ZNF354B: variants seen among roughly 807,000 people sequenced by gnomAD.
ZNF354B encodes zinc finger protein 354B.
ZNF354B carries 10 observed loss-of-function variants against 12.9 expected under a neutral mutation model. The ratio of observed to expected loss-of-function variants is 0.77; its 90% CI spans 0.48 to 1.31. The LOEUF is 1.31. Ranked by LOEUF, ZNF354B falls within the 40% of genes most tolerant of loss-of-function variation. The probability of loss-of-function intolerance (pLI) is 0.00; values close to 1 mark genes in which losing one functional copy is unlikely to be tolerated. For missense variants in ZNF354B, 614 were observed against 711.7 expected, an observed-to-expected ratio of 0.86 and a Z score of 1.56; for synonymous variants, 260 against 243.7, an observed-to-expected ratio of 1.07 and a Z score of -0.62.
chr5:178,877,517 G>T (rs965631029), intron 4 of ZNF354B, among the ~76,000 whole-genome samples: 6 of 152,186 alleles, frequency 3.9e-5, no homozygotes, highest in African/African-American at 1.4e-4. Flanking sequence ...GAGGGGAACA[G>T]AAGGGGAAAA....
intron 4 of ZNF354B, among the ~76,000 whole-genome samples, chr5:178,881,070 C>T (rs1561671179): frequency 6.6e-6 from 1 of 152,002 alleles, no homozygotes; most frequent in Non-Finnish European, 1.5e-5. Context: ...TCTCAAACTC[C>T]TGACCTCAGG....
chr5:178,873,871 G>A (rs1442830797), intron 4 of ZNF354B, among the ~76,000 whole-genome samples: 1 of 151,520 alleles, frequency 6.6e-6, no homozygotes, highest in East Asian at 1.9e-4. Flanking sequence ...AACATGATAT[G>A]TCGTTCTATT....
At chr5:178,873,545 C>T (rs930923837) in intron 4 of ZNF354B, among the ~76,000 whole-genome samples, 4 of 152,110 alleles carry the variant, frequency 2.6e-5, no homozygotes, top group South Asian at 2.1e-4. Flanking sequence ...CTTTCCTCTG[C>T]GGAGTTCTTT....
In ZNF354B at chr5:178,883,045, A is replaced by G. The variant is rs1757743413; in HGVS notation, c.593A>G (p.Asn198Ser). 2 of 1,605,930 alleles carry G rather than the reference A, an allele frequency of 1.2e-6. No individual in the cohort carries two copies. Among genetic ancestry groups the G allele is most frequent in the Admixed American group, 1.7e-5 (1 of 57,896 alleles). ...ATACAAAGAAATAGTTTCAAGCAGA[A>G]TTCAAATTTACTTAACCAATCAAAA... ...CEIQRNSFKQNSNLLNQSKIK... is the reference protein window; with the variant it reads ...CEIQRNSFKQSSNLLNQSKIK... Residue 198 changes from asparagine (N) to serine (S), a missense_variant, in exon 5 of 5, where the codon AAT (asparagine) becomes AGT (serine). Transcript: ENST00000322434.
chr5:178,862,334 C>T (rs1321523053), intron 2 of ZNF354B, among the ~76,000 whole-genome samples: 1 of 151,168 alleles, frequency 6.6e-6, no homozygotes, highest in East Asian at 1.9e-4. Context: ...CCACGCGATA[C>T]CAGAGTGCTT....
At chr5:178,879,587 C>T (rs6862829) in intron 4 of ZNF354B, among the ~76,000 whole-genome samples, 22,473 of 151,480 alleles carry the variant, frequency 0.15, 2,024 homozygotes, top group African/African-American at 0.25. Flanking sequence ...CCATGTTGAT[C>T]AGGATGGTCT....
At chr5:178,878,921 G>A (rs1218217678) in intron 4 of ZNF354B, among the ~76,000 whole-genome samples, 1 of 151,608 alleles carries the variant, frequency 6.6e-6, no homozygotes, top group Non-Finnish European at 1.5e-5. Flanking sequence ...GGCTGGTCTC[G>A]AACTCCTGAC....
At chr5:178,879,290 C>T (rs1757683644) in intron 4 of ZNF354B, among the ~76,000 whole-genome samples, 1 of 151,490 alleles carries the variant, frequency 6.6e-6, no homozygotes, top group East Asian at 2.0e-4. Context: ...TAAGAGATCT[C>T]CCTGCCTCGG....
chr5:178,882,706 CAGGATGTAAGAG>C lies in ZNF354B; in HGVS notation c.257-2_266del. 1 of 1,538,364 alleles carries C rather than the reference CAGGATGTAAGAG, an allele frequency of 6.5e-7. No individual in the cohort carries two copies. Among genetic ancestry groups the C allele is most frequent in the Non-Finnish European group, 8.7e-7 (1 of 1,152,660 alleles). On this transcript the variant is annotated splice_acceptor_variant and coding_sequence_variant, in exon 5 of 5. Coordinates refer to ENST00000322434, the MANE Select transcript of ZNF354B (RefSeq NM_058230.3). LOFTEE classifies it high-confidence loss of function. ...CTGTTGCTTTCTTTTTTTCTTTTTT[CAGGATGTAAGAG>C]CACACCTAAAATGACAAAGTCAACT...
At chr5:178,863,358 A>G (rs1042893709) in intron 2 of ZNF354B, among the ~76,000 whole-genome samples, 1 of 151,842 alleles carries the variant, frequency 6.6e-6, no homozygotes, top group South Asian at 2.1e-4. Flanking sequence ...TTGGTCAATA[A>G]AAGACCATAA....
chr5:178,865,265 A>G (rs1421410957), intron 2 of ZNF354B, among the ~76,000 whole-genome samples: 2 of 147,726 alleles, frequency 1.4e-5, no homozygotes, highest in Non-Finnish European at 3.0e-5. Context: ...GTGACTTTAG[A>G]CGAATTTTTT....
chr5:178,865,108 C>T (rs1048636949), intron 2 of ZNF354B, among the ~76,000 whole-genome samples: 5 of 151,946 alleles, frequency 3.3e-5, no homozygotes, highest in African/African-American at 7.3e-5. Context: ...AATGTGAGCC[C>T]GATATGGTTT....
chr5:178,861,170 GC>G lies in ZNF354B; in HGVS notation c.33+93del, dbSNP rs1260426616. The G allele has an allele frequency of 3.2e-6, 3 of 923,486 alleles. No individual in the cohort carries two copies. In the African/African-American group the frequency reaches 5.0e-5, roughly 16 times the overall value. 57.2% of individuals were successfully genotyped at this position (923,486 alleles called of 1,614,324 possible). A position where few individuals can be genotyped will look rare whatever the true frequency, so the allele number is the denominator to read the frequency against. ...CGGGACCATCTCCAGCCAGGATGGA[GC>G]CCAAGTCCTTTTCTCTTGGAGGAGC... On this transcript the variant is annotated intron_variant, in intron 2 of 4. Coordinates refer to ENST00000322434, the MANE Select transcript of ZNF354B (RefSeq NM_058230.3).
Position 178,884,544 on chromosome 5 carries a change from A to T in ZNF354B, c.*253A>T. On this transcript the variant is annotated 3_prime_UTR_variant, in exon 5 of 5. Coordinates refer to ENST00000322434, the MANE Select transcript of ZNF354B (RefSeq NM_058230.3). The stretch of plus-strand genomic sequence containing the variant: ...GTATGTTTATAAAATCTCTTTATAT[A>T]ATATATGCTATCTATGACATGCAAA... The T allele has an allele frequency of 2.9e-6, 1 of 340,486 alleles. No homozygotes were observed. The highest frequency in any genetic ancestry group is 8.6e-5 in the South Asian group (1 of 11,690). The allele number at this position is 340,486 out of a possible 1,614,324, so 21.1% of individuals were successfully genotyped here. A position where few individuals can be genotyped will look rare whatever the true frequency, so the allele number is the denominator to read the frequency against.
chr5:178,883,056 C>G lies in ZNF354B; in HGVS notation c.604C>G (p.Leu202Val). The change falls in exon 5 of 5, where the codon CTT becomes GTT. Residue 202 changes from leucine to valine, a missense_variant. Leu to Val is a conservative substitution (Grantham distance 32). Coordinates refer to ENST00000322434, the MANE Select transcript of ZNF354B (RefSeq NM_058230.3). ...TAGTTTCAAGCAGAATTCAAATTTA[C>G]TTAACCAATCAAAAATCAAAACAGC... The part of the protein sequence containing the change: ...RNSFKQNSNL[L>V]NQSKIKTAEK... The G allele has an allele frequency of 6.2e-7, 1 of 1,604,434 alleles. No homozygotes were observed. The highest frequency in any genetic ancestry group is 1.3e-5 in the African/African-American group (1 of 74,316).
At chr5:178,867,121 G>A in intron 4 of ZNF354B, 50 bp downstream of exon 4, 1 of 1,511,274 alleles carries the variant, frequency 6.6e-7, no homozygotes, top group Admixed American at 1.7e-5. Flanking sequence ...CAATGGTCTG[G>A]TTAATGAGAG....
In ZNF354B at chr5:178,867,753, CAGAG is replaced by C. The variant is rs780186144; in HGVS notation, c.256+686_256+689del. ...CATGTATGTGTAATGTGCACATAAG[CAGAG>C]AGAAAGGTTAGGAGGACACACCTTA... On this transcript the variant is annotated intron_variant, in intron 4 of 4. Transcript: ENST00000322434. Among the ~76,000 whole-genome samples the C allele has an allele frequency of 2.4e-4, 37 of 152,042 alleles. 1 individual carries two copies. Among genetic ancestry groups the C allele is most frequent in the Admixed American group, 1.6e-3 (24 of 15,270 alleles).
In ZNF354B at chr5:178,883,935, A is replaced by G. The variant is rs1185355438; in HGVS notation, c.1483A>G (p.Lys495Glu). Residue 495 changes from lysine (K) to glutamate (E), a missense_variant, in exon 5 of 5, where the codon AAG becomes GAG. Physicochemically the swap from Lys to Glu is moderately conservative, Grantham distance 56. Coordinates refer to ENST00000322434, the MANE Select transcript of ZNF354B (RefSeq NM_058230.3). ...QRMHTGERPY[K>E]CNECDKTFRC... ...AATGCATACTGGAGAAAGACCCTATAAGTGTAACGAATGTGACAAAACATT... is the reference window on the plus strand; with the variant it reads ...AATGCATACTGGAGAAAGACCCTATGAGTGTAACGAATGTGACAAAACATT... The G allele has an allele frequency of 3.7e-6, 6 of 1,614,112 alleles. No individual in the cohort carries two copies. The highest frequency in any genetic ancestry group is 4.2e-6 in the Non-Finnish European group (5 of 1,179,982).
intron 4 of ZNF354B, among the ~76,000 whole-genome samples, chr5:178,868,623 G>A (rs898819728): frequency 6.6e-6 from 1 of 152,158 alleles, no homozygotes; most frequent in African/African-American, 2.4e-5. Flanking sequence ...ATCAGCAAAG[G>A]CTTCCCTGTG....
Sources: allele counts gnomAD v4.1 joint callset (sites outside exome capture counted in the v4.1 genomes callset), GRCh38; gene constraint gnomAD v4.1.1; transcripts MANE v1.5; gene names NCBI Gene and HGNC (gene_info 2026-07-23, HGNC 2026-07-21).